PCDHA3: variants seen among roughly 807,000 people sequenced by gnomAD.
PCDHA3 encodes protocadherin alpha-3.
In PCDHA3, 41 loss-of-function variants were observed where a neutral mutation model predicts 62.2. The ratio of observed to expected loss-of-function variants is 0.66; its 90% CI spans 0.51 to 0.86. The LOEUF is 0.86. Ranked by LOEUF, PCDHA3 falls within the 40% of genes least tolerant of loss-of-function variation. The pLI, the probability that PCDHA3 is intolerant of heterozygous loss-of-function variation, is 0.00. For missense variants in PCDHA3, 1,304 were observed against 1,241.2 expected (o/e 1.05, Z -0.76); for synonymous variants, 640 against 555.4 (o/e 1.15, Z -2.14).
chr5:140,824,226 G>A (rs1441042535), intron 1 of PCDHA3: 2 of 1,550,438 alleles, frequency 1.3e-6, no homozygotes, highest in Admixed American at 3.4e-5. Context: ...TTATGTCTTA[G>A]TACACAAATA....
At chr5:141,001,097 T>TC (rs1554257999) in intron 3 of PCDHA3, among the ~76,000 whole-genome samples, 1 of 152,114 alleles carries the variant, frequency 6.6e-6, no homozygotes, top group Non-Finnish European at 1.5e-5. Flanking sequence ...AACTGTCTAA[T>TC]CCATAATAAG....
chr5:140,808,134 A>G (rs17844278), intron 1 of PCDHA3: 2 of 1,614,084 alleles, frequency 1.2e-6, no homozygotes, highest in East Asian at 4.5e-5. Flanking sequence ...AGCAAATCCT[A>G]TGAAATTATT....
intron 1 of PCDHA3, among the ~76,000 whole-genome samples, chr5:140,818,805 C>T (rs2150102410): frequency 1.3e-4 from 20 of 152,280 alleles, no homozygotes; most frequent in South Asian, 1.0e-3. Context: ...ACTCCAGCCT[C>T]GGTCAGAGTG....
chr5:140,830,020 G>A (rs782361791), intron 1 of PCDHA3: 3 of 1,613,754 alleles, frequency 1.9e-6, no homozygotes, highest in Admixed American at 1.7e-5. Flanking sequence ...CGGACTCTCC[G>A]CGCCACCGGC....
Position 140,809,053 on chromosome 5 carries a change from C to A in PCDHA3, c.2394+5462C>A, listed in dbSNP as rs1307759029. 2.9e-5 allele frequency: 47 copies of A among 1,613,756 alleles called. No individual in the cohort carries two copies. Among genetic ancestry groups the A allele is most frequent in the Non-Finnish European group, 3.8e-5 (45 of 1,179,898 alleles). On this transcript the variant is annotated intron_variant, in intron 1 of 3. Coordinates refer to ENST00000522353, the MANE Select transcript of PCDHA3 (RefSeq NM_018906.3). ...GGACTGGTGGCGCGCGCATCCCGTT[C>A]CGCGTGGGGCTGTACACTGGCGAGA...
intron 1 of PCDHA3, among the ~76,000 whole-genome samples, chr5:140,963,754 T>C (rs190216638): frequency 2.3e-4 from 35 of 152,374 alleles, no homozygotes; most frequent in Admixed American, 7.2e-4. Flanking sequence ...TGATAATAAA[T>C]TGTTGTATTT....
At chr5:140,804,867 T>C in intron 1 of PCDHA3, 1 of 558,032 alleles carries the variant, frequency 1.8e-6, no homozygotes, top group South Asian at 3.0e-5. Context: ...GTAAAATAGA[T>C]ATTTTTCTTG....
intron 1 of PCDHA3, chr5:140,834,376 A>G (rs2150216105): frequency 6.4e-7 from 1 of 1,561,296 alleles, no homozygotes; most frequent in East Asian, 2.3e-5. Flanking sequence ...ACAAGCCAAT[A>G]ATTTGAAATG....
chr5:140,961,071 G>T (rs1344860284), intron 1 of PCDHA3, among the ~76,000 whole-genome samples: 1 of 152,208 alleles, frequency 6.6e-6, no homozygotes, highest in Non-Finnish European at 1.5e-5. Flanking sequence ...GATATCTGGA[G>T]TATCAAGTAA....
At chr5:140,883,244 G>C in intron 1 of PCDHA3, 3 of 1,614,014 alleles carry the variant, frequency 1.9e-6, no homozygotes, top group Non-Finnish European at 2.5e-6. Context: ...AGTTGACAAA[G>C]GAAATATTCC....
At chr5:141,000,410 TA>T (rs2097918693) in intron 3 of PCDHA3, among the ~76,000 whole-genome samples, 2 of 101,940 alleles carry the variant, frequency 2.0e-5, no homozygotes, top group African/African-American at 7.8e-5. Flanking sequence ...TATATATATA[TA>T]TATATATATA....
At position 140,858,049 on chromosome 5, in the gene PCDHA3, G is replaced by T. The variant is rs181372488; in HGVS notation, c.2394+54458G>T. 54 of 1,597,448 alleles carry T rather than the reference G, an allele frequency of 3.4e-5. 4 individuals carry two copies. Among genetic ancestry groups the T allele is most frequent in the Non-Finnish European group, 4.4e-5 (51 of 1,167,426 alleles). On this transcript the variant is annotated intron_variant, in intron 1 of 3. Coordinates refer to ENST00000522353, the MANE Select transcript of PCDHA3 (RefSeq NM_018906.3). ...CGGCCACGGCCACTGTGCTTGTGTC[G>T]CTTGTGGAGGGCAGCCAGGCACCCA... is the stretch of plus-strand genomic sequence containing the variant.
rs142005953 is a variant in PCDHA3, at chr5:140,843,471, T to C, written c.2394+39880T>C. 21 of 1,595,832 alleles carry C rather than the reference T, an allele frequency of 1.3e-5. 2 individuals are homozygous for C. In the African/African-American group the frequency reaches 1.7e-4, roughly 13 times the overall value. On this transcript the variant is annotated intron_variant, in intron 1 of 3. Coordinates refer to ENST00000522353, the MANE Select transcript of PCDHA3 (RefSeq NM_018906.3). ...AGCCTGCTGGTGCTCACGCTGCTGC[T>C]GTACACTGCGCTGCGGTGCTCAGCA...
chr5:140,855,908 C>T, intron 1 of PCDHA3: 1 of 1,151,190 alleles, frequency 8.7e-7, no homozygotes, highest in Non-Finnish European at 1.2e-6. Context: ...GCCAGTTTCT[C>T]AAGGACTAGG....
intron 3 of PCDHA3, among the ~76,000 whole-genome samples, chr5:141,000,421 A>ATT (rs34755515): frequency 0.021 from 589 of 27,976 alleles, 60 homozygotes; most frequent in Middle Eastern, 0.062. Flanking sequence ...ATATATATAT[A>ATT]TTTTTTTTTT....
intron 1 of PCDHA3, chr5:140,858,353 G>A (rs782457995): frequency 6.3e-7 from 1 of 1,593,918 alleles, no homozygotes; most frequent in Non-Finnish European, 8.6e-7. Context: ...GGACCTCATG[G>A]CCTTCAGCCC....
intron 1 of PCDHA3, chr5:140,857,630 G>A (rs1554150395): frequency 6.3e-7 from 1 of 1,596,610 alleles, no homozygotes; most frequent in African/African-American, 1.3e-5. Flanking sequence ...CGAGGAGCTG[G>A]AGCTGCTACA....
At position 140,993,501 on chromosome 5, in the gene PCDHA3, C is replaced by CACACAT. The variant is rs1554253793; in HGVS notation, c.2542+10943_2542+10944insTACACA. Reference sequence around the variant, plus strand: ...ACACACACACACACACACACACACACACACACACGGGGAGAGAGAGACAGA... The same window carrying CACACAT: ...ACACACACACACACACACACACACACACACATACACACACGGGGAGAGAGAGACAGA... On this transcript the variant is annotated intron_variant, in intron 3 of 3. Coordinates refer to ENST00000522353, the MANE Select transcript of PCDHA3 (RefSeq NM_018906.3). Among the ~76,000 whole-genome samples the CACACAT allele has an allele frequency of 3.4e-5, 5 of 148,992 alleles. No homozygotes were observed. The East Asian group carries it at 7.8e-4, about 23-fold the overall frequency.
intron 3 of PCDHA3, among the ~76,000 whole-genome samples, chr5:141,002,682 G>C (rs536105955): frequency 6.6e-6 from 1 of 152,140 alleles, no homozygotes; most frequent in African/African-American, 2.4e-5. Context: ...CCTATACGAC[G>C]TGCAGATTTG....
Sources: allele counts gnomAD v4.1 joint callset (sites outside exome capture counted in the v4.1 genomes callset), GRCh38; gene constraint gnomAD v4.1.1; transcripts MANE v1.5; gene names NCBI Gene and HGNC (gene_info 2026-07-23, HGNC 2026-07-21).